VRK2: variants seen among roughly 807,000 people sequenced by gnomAD.
VRK2 encodes the protein serine/threonine-protein kinase VRK2.
In VRK2, 60 loss-of-function variants were observed where a neutral mutation model predicts 57.6. That is an observed-to-expected ratio of 1.04 (90% CI 0.85 to 1.29). VRK2 has a LOEUF of 1.29. Among genes scored for constraint, VRK2 ranks in the 50% most tolerant of loss-of-function variants. The pLI, the probability that VRK2 is intolerant of heterozygous loss-of-function variation, is 0.00. For missense variants in VRK2, 705 were observed against 588.1 expected, an observed-to-expected ratio of 1.20 and a Z score of -2.06; for synonymous variants, 231 against 199.2, an observed-to-expected ratio of 1.16 and a Z score of -1.35.
chr2:58,135,026 G>A (rs11678320), intron 9 of VRK2, 115 bp from the exon 10 acceptor site: 330,512 of 973,104 alleles, frequency 0.34, 52,120 homozygotes, highest in Middle Eastern at 0.43. Context: ...AAAAAAAAAA[G>A]CATTGAAAGT....
intron 1 of VRK2, among the ~76,000 whole-genome samples, chr2:57,937,535 A>AT (rs1359140279): frequency 2.0e-5 from 3 of 152,224 alleles, no homozygotes; most frequent in African/African-American, 7.2e-5. Context: ...TAAGTGCATT[A>AT]TTTACATGGT....
chr2:57,986,625 G>A (rs1011766808), intron 1 of VRK2, among the ~76,000 whole-genome samples: 2 of 134,574 alleles, frequency 1.5e-5, no homozygotes, highest in Non-Finnish European at 3.1e-5. Context: ...TTGAGATGGA[G>A]TCTCACTCTG....
intron 2 of VRK2, among the ~76,000 whole-genome samples, chr2:58,061,186 T>C (rs972459153): frequency 1.2e-4 from 18 of 152,062 alleles, no homozygotes; most frequent in South Asian, 1.0e-3. Context: ...TTCAGAATTA[T>C]AGGGTTAACA....
chr2:58,127,169 C>T (rs1237072047), intron 8 of VRK2, among the ~76,000 whole-genome samples: 2 of 151,854 alleles, frequency 1.3e-5, no homozygotes, highest in South Asian at 2.1e-4. Flanking sequence ...CCAATTGCTA[C>T]GGTATGTGAA....
rs1558665469 is a variant in VRK2 at position 58,123,242 on chromosome 2, CT to C, written c.676+15del. 6.4e-7 allele frequency: 1 copy of C among 1,571,576 alleles called. No homozygotes were observed. The highest frequency in any genetic ancestry group is 1.2e-5 in the South Asian group (1 of 83,106). On this transcript the variant is annotated intron_variant, in intron 8 of 12. Transcript: ENST00000340157. ...TGCCCACAAGGGAGTAGGTGGGTTT[CT>C]TTTTTCTTTTTCTTATTTTTATTTC... is the stretch of plus-strand genomic sequence containing the variant.
intron 1 of VRK2, among the ~76,000 whole-genome samples, chr2:57,981,361 C>A (rs1419474483): frequency 1.3e-5 from 2 of 152,148 alleles, no homozygotes; most frequent in Non-Finnish European, 2.9e-5. Context: ...GGAATGTAGG[C>A]CCCAAACTAT....
intron 1 of VRK2, among the ~76,000 whole-genome samples, chr2:57,941,743 G>T (rs911265865): frequency 2.0e-5 from 3 of 152,258 alleles, no homozygotes; most frequent in Admixed American, 6.5e-5. Context: ...AGTGCCCTTT[G>T]GCTGGCCACA....
intron 8 of VRK2, among the ~76,000 whole-genome samples, chr2:58,124,563 T>G (rs2104500680): frequency 6.6e-6 from 1 of 152,336 alleles, no homozygotes; most frequent in East Asian, 1.9e-4. Flanking sequence ...TTCTTAATGG[T>G]TGTTGAACTG....
At chr2:58,149,898 C>T (rs1232847603) in intron 12 of VRK2, among the ~76,000 whole-genome samples, 7 of 151,130 alleles carry the variant, frequency 4.6e-5, no homozygotes, top group Non-Finnish European at 7.4e-5. Flanking sequence ...ATTCTGTTTG[C>T]TGAATTCCAA....
intron 2 of VRK2, among the ~76,000 whole-genome samples, chr2:58,063,431 C>T (rs1029932104): frequency 6.6e-6 from 1 of 151,858 alleles, no homozygotes; most frequent in African/African-American, 2.4e-5. Context: ...GGGTAATGGG[C>T]ACCCTGAATA....
intron 7 of VRK2, among the ~76,000 whole-genome samples, chr2:58,098,452 A>G (rs777269598): frequency 1.3e-5 from 2 of 152,094 alleles, no homozygotes; most frequent in Non-Finnish European, 2.9e-5. Flanking sequence ...TGTAAGTTCC[A>G]TTCGTGGTAA....
intron 1 of VRK2, among the ~76,000 whole-genome samples, chr2:57,961,562 GA>G (rs1671760035): frequency 6.6e-6 from 1 of 151,610 alleles, no homozygotes; most frequent in Admixed American, 6.6e-5. Context: ...ACTGATCCTT[GA>G]AAACAAGGCC....
chr2:58,146,184 G>C, intron 11 of VRK2, 132 bp from the exon 12 acceptor site: 1 of 761,060 alleles, frequency 1.3e-6, no homozygotes, highest in East Asian at 3.1e-5. Context: ...ATGTCCACTT[G>C]CTGCTTTCCT....
intron 3 of VRK2, among the ~76,000 whole-genome samples, chr2:58,040,468 A>G (rs1264126489): frequency 6.6e-5 from 10 of 152,234 alleles, no homozygotes; most frequent in Non-Finnish European, 1.0e-4. Flanking sequence ...AGTGAGACTT[A>G]GAGGAAAACC....
At chr2:58,017,917 T>G (rs1029948828) in intron 1 of VRK2, 4 of 152,250 alleles carry the variant, frequency 2.6e-5, no homozygotes, top group Non-Finnish European at 4.4e-5. Context: ...ATATTCGTAG[T>G]ACATACTGCA....
intron 1 of VRK2, among the ~76,000 whole-genome samples, chr2:58,019,799 T>C (rs143541579): frequency 2.7e-5 from 4 of 149,326 alleles, no homozygotes; most frequent in African/African-American, 1.0e-4. Context: ...AAATGGAGTA[T>C]TGATTAGATT....
At chr2:57,989,882 A>T (rs182324777) in intron 1 of VRK2, among the ~76,000 whole-genome samples, 1 of 152,344 alleles carries the variant, frequency 6.6e-6, no homozygotes, top group East Asian at 1.9e-4. Context: ...ATAAGCTAAT[A>T]ATATTGTATA....
intron 1 of VRK2, among the ~76,000 whole-genome samples, chr2:57,978,132 C>CA (rs1229211132): frequency 6.7e-6 from 1 of 149,988 alleles, no homozygotes; most frequent in East Asian, 1.9e-4. Context: ...ATGTATGTTA[C>CA]AAAAAAAGGA....
intron 7 of VRK2, among the ~76,000 whole-genome samples, chr2:58,108,129 T>G (rs1257852810): frequency 6.6e-6 from 1 of 152,180 alleles, no homozygotes; most frequent in South Asian, 2.1e-4. Context: ...AGTCATTTTC[T>G]TACCAAATCT....
Sources: gnomAD v4.1 joint callset for allele counts (sites outside exome capture counted in the v4.1 genomes callset) on GRCh38, gnomAD v4.1.1 for gene constraint, MANE v1.5 for transcripts, NCBI Gene and HGNC (gene_info 2026-07-23, HGNC 2026-07-21) for gene names.